FZD3: variants seen among roughly 807,000 people sequenced by gnomAD.
The protein encoded by FZD3 is frizzled class receptor 3.
A neutral mutation model predicts 60.7 loss-of-function variants in FZD3; 30 were observed. The observed-to-expected ratio is 0.49, with a 90% CI of 0.37 to 0.67. The LOEUF is 0.67. FZD3 is among the 30% of genes least tolerant of loss of function. The pLI, the probability that FZD3 is intolerant of heterozygous loss-of-function variation, is 0.00. For synonymous variants in FZD3, 246 were observed against 275.2 expected (o/e 0.89, Z 1.05); for missense variants, 605 against 838.7 (o/e 0.72, Z 3.44).
In FZD3 at chr8:28,543,537, C is replaced by T. The variant is rs139965272; in HGVS notation, c.1405-8066C>T. On this transcript the variant is annotated intron_variant, in intron 5 of 7. Transcript: ENST00000240093. ...CTGGGATTGCAGGCACCTGCCACCA[C>T]GCCTGGCTAATTATTGTATTTTTGG... Among the ~76,000 whole-genome samples, 729 of 152,194 alleles carry T rather than the reference C, an allele frequency of 4.8e-3. 25 individuals are homozygous for T. The East Asian group carries it at 0.091, about 19-fold the overall frequency.
chr8:28,494,704 CGA>C (rs1375182785), intron 1 of FZD3, among the ~76,000 whole-genome samples: 2 of 152,028 alleles, frequency 1.3e-5, no homozygotes, highest in African/African-American at 4.8e-5. Context: ...GCAACCTGTG[CGA>C]GTGTGGACCG....
chr8:28,543,700 A>AT (rs1308882544), intron 5 of FZD3, among the ~76,000 whole-genome samples: 1 of 147,056 alleles, frequency 6.8e-6, no homozygotes, highest in African/African-American at 2.5e-5. Context: ...CTTTTATGAG[A>AT]TTTTCTCTTT....
rs1367388225 is a variant in FZD3, at chr8:28,506,458, G to A, written c.189+3256G>A. ...AGTTAAAGTGCTGTGTGAATACAGA[G>A]CATTCTTCTTTGTTGCCTGTCACCC... On this transcript the variant is annotated intron_variant, in intron 3 of 7. Coordinates refer to ENST00000240093, the MANE Select transcript of FZD3 (RefSeq NM_017412.4). Among the ~76,000 whole-genome samples the A allele has an allele frequency of 2.0e-5, 3 of 152,274 alleles. No homozygotes were observed. In the East Asian group the frequency reaches 5.8e-4, roughly 29 times the overall value.
intron 4 of FZD3, among the ~76,000 whole-genome samples, chr8:28,523,000 C>CT (rs978036780): frequency 6.6e-6 from 1 of 152,006 alleles, no homozygotes; most frequent in Non-Finnish European, 1.5e-5. Flanking sequence ...GAACTCCTGA[C>CT]TTTAAGTGGT....
chr8:28,532,183 ATCT>A (rs879804293), intron 5 of FZD3, among the ~76,000 whole-genome samples: 8 of 152,196 alleles, frequency 5.3e-5, no homozygotes, highest in Non-Finnish European at 1.0e-4. Context: ...TCAACTCCAC[ATCT>A]TCTTTACCTT....
intron 3 of FZD3, among the ~76,000 whole-genome samples, chr8:28,518,241 G>A (rs1449643733): frequency 2.7e-5 from 4 of 145,968 alleles, no homozygotes; most frequent in Non-Finnish European, 3.0e-5. Context: ...TTTTTTTTAA[G>A]TAGAGATAGT....
chr8:28,499,336 A>G (rs888081942), intron 1 of FZD3, among the ~76,000 whole-genome samples: 1 of 152,174 alleles, frequency 6.6e-6, no homozygotes, highest in Non-Finnish European at 1.5e-5. Flanking sequence ...GTATCCACAA[A>G]TACAGGTTTA....
chr8:28,498,019 A>G (rs980723716), intron 1 of FZD3, among the ~76,000 whole-genome samples: 9 of 152,268 alleles, frequency 5.9e-5, no homozygotes, highest in African/African-American at 2.2e-4. Context: ...TTGGAAATAT[A>G]AAATTCCTGA....
Position 28,565,463 on chromosome 8 carries a change from A to G in FZD3, c.*2452A>G, listed in dbSNP as rs1045851741. 1.3e-5 allele frequency: 2 copies of G among 152,214 alleles called. No individual in the cohort carries two copies. The highest frequency in any genetic ancestry group is 4.8e-5 in the African/African-American group (2 of 41,474). 9.4% of individuals were successfully genotyped at this position (152,214 alleles called of 1,614,324 possible). A position where few individuals can be genotyped will look rare whatever the true frequency, so the allele number is the denominator to read the frequency against. ...CATTCACAAACAAAAATAAGTTAAA[A>G]TAGAAGGTACCAGTTTGGGCTCGAA... On this transcript the variant is annotated 3_prime_UTR_variant, in exon 8 of 8. Coordinates refer to ENST00000240093, the MANE Select transcript of FZD3 (RefSeq NM_017412.4).
intron 1 of FZD3, among the ~76,000 whole-genome samples, chr8:28,499,004 A>G (rs886154043): frequency 5.9e-5 from 9 of 152,356 alleles, no homozygotes; most frequent in African/African-American, 1.9e-4. Flanking sequence ...TACTAGGTAC[A>G]GTAGAGCAGT....
Position 28,509,365 on chromosome 8 carries a change from T to C in FZD3, c.189+6163T>C, listed in dbSNP as rs1417037502. Among the ~76,000 whole-genome samples the C allele has an allele frequency of 2.0e-5, 3 of 151,896 alleles. No individual in the cohort carries two copies. The East Asian group carries it at 5.8e-4, about 29-fold the overall frequency. On this transcript the variant is annotated intron_variant, in intron 3 of 7. Transcript: ENST00000240093. ...TATATATCTATATTCTTTCACCTTT[T>C]TTGATACAGTTATAACGTTTGTTTT...
intron 3 of FZD3, among the ~76,000 whole-genome samples, chr8:28,508,763 G>A (rs1416256950): frequency 6.6e-6 from 1 of 151,942 alleles, no homozygotes; most frequent in African/African-American, 2.4e-5. Context: ...GTTCTCAAGC[G>A]ATCCACCTGC....
Position 28,562,869 on chromosome 8 carries a change from A to G in FZD3, c.1859A>G (p.His620Arg). 6.2e-7 allele frequency: 1 copy of G among 1,613,388 alleles called. No individual in the cohort carries two copies. Among genetic ancestry groups the G allele is most frequent in the South Asian group, 1.1e-5 (1 of 91,042 alleles). Reference protein sequence around the residue: ...PHGSMSRLTDHSRHSSSHRLN... With the variant: ...PHGSMSRLTDRSRHSSSHRLN... ...GGCAGCATGTCACGACTAACAGATC[A>G]CTCCAGGCATAGTAGTTCTCATCGG... The change falls in exon 8 of 8, where the codon CAC becomes CGC. Residue 620 changes from histidine (H) to arginine (R), a missense_variant. Transcript: ENST00000240093.
At position 28,540,261 on chromosome 8, in the gene FZD3, G is replaced by A. The variant is rs112093470; in HGVS notation, c.1405-11342G>A. Among the ~76,000 whole-genome samples, 1,397 of 152,168 alleles carry A rather than the reference G, an allele frequency of 9.2e-3. 25 individuals carry two copies. Among genetic ancestry groups the A allele is most frequent in the African/African-American group, 0.032 (1,309 of 41,512 alleles). On this transcript the variant is annotated intron_variant, in intron 5 of 7. Coordinates refer to ENST00000240093, the MANE Select transcript of FZD3 (RefSeq NM_017412.4). ...TTTGTTTTTTCTGAGACAGAGTCTC[G>A]CTCTGTTACCCAGGCTGGAGTGCAA...
intron 5 of FZD3, among the ~76,000 whole-genome samples, chr8:28,538,042 G>A (rs538334103): frequency 6.6e-6 from 1 of 151,598 alleles, no homozygotes; most frequent in African/African-American, 2.4e-5. Flanking sequence ...ACTTGAACCC[G>A]GGAGGCAGAG....
intron 3 of FZD3, among the ~76,000 whole-genome samples, chr8:28,505,453 G>GT (rs1240081236): frequency 2.0e-5 from 3 of 152,098 alleles, no homozygotes; most frequent in Admixed American, 6.6e-5. Flanking sequence ...CCAGGCTCAG[G>GT]TGATCCTCTG....
At chr8:28,537,006 A>G (rs921836261) in intron 5 of FZD3, among the ~76,000 whole-genome samples, 1 of 152,162 alleles carries the variant, frequency 6.6e-6, no homozygotes, top group Non-Finnish European at 1.5e-5. Context: ...ATGTAGTACT[A>G]CTAACCTTTT....
rs570920680 is a variant in FZD3, at chr8:28,519,594, G to A, written c.190-1044G>A. Reference sequence around the variant, plus strand: ...AAAATACAAAAATTAACCCTGTGTGGTGGTGCGTGCCTGTAGTCCCAGCTA... The same window carrying A: ...AAAATACAAAAATTAACCCTGTGTGATGGTGCGTGCCTGTAGTCCCAGCTA... On this transcript the variant is annotated intron_variant, in intron 3 of 7. Coordinates refer to ENST00000240093, the MANE Select transcript of FZD3 (RefSeq NM_017412.4). Among the ~76,000 whole-genome samples, 67 of 152,002 alleles carry A rather than the reference G, an allele frequency of 4.4e-4. 1 individual carries two copies. The highest frequency in any genetic ancestry group is 1.4e-3 in the African/African-American group (56 of 41,450).
chr8:28,559,440 C>T (rs1056134886), intron 7 of FZD3, among the ~76,000 whole-genome samples: 3 of 152,294 alleles, frequency 2.0e-5, no homozygotes, highest in Admixed American at 2.0e-4. Flanking sequence ...AGAATAAGAA[C>T]TAGGTGACAC....
Sources: gnomAD v4.1 joint callset for allele counts (sites outside exome capture counted in the v4.1 genomes callset) on GRCh38, gnomAD v4.1.1 for gene constraint, MANE v1.5 for transcripts, NCBI Gene and HGNC (gene_info 2026-07-23, HGNC 2026-07-21) for gene names.